SPOCK3: variants seen among roughly 807,000 people sequenced by gnomAD.
The protein encoded by SPOCK3 is SPARC (osteonectin), cwcv and kazal like domains proteoglycan 3, also known as testican-3.
A neutral mutation model predicts 56.6 loss-of-function variants in SPOCK3; 30 were observed. The observed-to-expected ratio is 0.53, with a 90% CI of 0.40 to 0.72. The LOEUF is 0.72. Among genes scored for constraint, SPOCK3 ranks in the 30% least tolerant of loss-of-function variants. The probability of loss-of-function intolerance (pLI) is 0.00; values close to 1 mark genes in which losing one functional copy is unlikely to be tolerated. For missense variants in SPOCK3, 527 were observed against 530.0 expected, an observed-to-expected ratio of 0.99 and a Z score of 0.06; for synonymous variants, 196 against 183.3, an observed-to-expected ratio of 1.07 and a Z score of -0.56.
chr4:166,763,696 A>C (rs978158806), intron 7 of SPOCK3, among the ~76,000 whole-genome samples: 1 of 138,040 alleles, frequency 7.2e-6, no homozygotes, highest in Admixed American at 7.8e-5. Flanking sequence ...TTCTTACAGC[A>C]TATGTAAAGT....
intron 8 of SPOCK3, among the ~76,000 whole-genome samples, chr4:166,748,012 C>T (rs1735875113): frequency 6.6e-6 from 1 of 152,136 alleles, no homozygotes; most frequent in African/African-American, 2.4e-5. Flanking sequence ...AAGTACATTC[C>T]ATGCTCATGG....
chr4:166,946,126 G>A (rs941365217), intron 4 of SPOCK3, among the ~76,000 whole-genome samples: 29 of 151,908 alleles, frequency 1.9e-4, no homozygotes, highest in Non-Finnish European at 2.8e-4. Flanking sequence ...AATTCATTTG[G>A]TTATCTCTGT....
chr4:167,134,222 A>G (rs1472685791), intron 2 of SPOCK3, among the ~76,000 whole-genome samples: 1 of 151,136 alleles, frequency 6.6e-6, no homozygotes, highest in Non-Finnish European at 1.5e-5. Context: ...TTGTAGAGAT[A>G]GGGTTTCGCC....
intron 5 of SPOCK3, among the ~76,000 whole-genome samples, chr4:166,900,043 G>A (rs1735873556): frequency 6.6e-6 from 1 of 152,170 alleles, no homozygotes; most frequent in South Asian, 2.1e-4. Context: ...TCAGCAAGTT[G>A]TGTCACATCT....
chr4:167,104,964 A>G (rs1325497020), intron 2 of SPOCK3, among the ~76,000 whole-genome samples: 1 of 152,076 alleles, frequency 6.6e-6, no homozygotes, highest in Non-Finnish European at 1.5e-5. Context: ...GCAAGAAAAG[A>G]AAAACAACAT....
intron 2 of SPOCK3, among the ~76,000 whole-genome samples, chr4:167,075,224 T>C (rs1757071520): frequency 6.6e-6 from 1 of 151,852 alleles, no homozygotes; most frequent in African/African-American, 2.4e-5. Context: ...ACAAGAAAAT[T>C]AACCACTTAA....
chr4:167,200,940 C>T (rs1048318625), intron 2 of SPOCK3, among the ~76,000 whole-genome samples: 1 of 151,954 alleles, frequency 6.6e-6, no homozygotes, highest in South Asian at 2.1e-4. Context: ...GTTGTGTATG[C>T]GGGCACACCA....
chr4:166,830,098 G>A (rs533347293), intron 6 of SPOCK3, among the ~76,000 whole-genome samples: 11 of 152,050 alleles, frequency 7.2e-5, no homozygotes, highest in South Asian at 2.1e-4. Context: ...TTCATTTTAC[G>A]TAAGATATCT....
intron 2 of SPOCK3, chr4:167,062,785 C>T: frequency 2.1e-6 from 1 of 473,014 alleles, no homozygotes; most frequent in East Asian, 3.2e-5. Context: ...TGTTCATTTT[C>T]ATTGCAAGTC....
intron 4 of SPOCK3, among the ~76,000 whole-genome samples, chr4:166,960,323 G>A (rs1394885532): frequency 6.6e-6 from 1 of 152,112 alleles, no homozygotes; most frequent in Non-Finnish European, 1.5e-5. Flanking sequence ...TATAGTGAAA[G>A]GCCACAATGA....
intron 6 of SPOCK3, among the ~76,000 whole-genome samples, chr4:166,829,395 T>A (rs1745808255): frequency 6.6e-6 from 1 of 152,086 alleles, no homozygotes; most frequent in Non-Finnish European, 1.5e-5. Context: ...ATTTTATACA[T>A]TTAGGGCAAA....
At chr4:167,116,833 ATATATATACTTT>A (rs1761449279) in intron 2 of SPOCK3, among the ~76,000 whole-genome samples, 1 of 141,500 alleles carries the variant, frequency 7.1e-6, no homozygotes, top group African/African-American at 2.6e-5. Context: ...ATATAAAAGT[ATATATATACTTT>A]TATATATATA....
chr4:167,048,654 A>C (rs1189377942), intron 3 of SPOCK3, among the ~76,000 whole-genome samples: 2 of 152,176 alleles, frequency 1.3e-5, no homozygotes, highest in Non-Finnish European at 2.9e-5. Context: ...TGTTTTAGTG[A>C]AGATAATTTT....
intron 6 of SPOCK3, among the ~76,000 whole-genome samples, chr4:166,819,533 C>T (rs1368032251): frequency 6.6e-6 from 1 of 151,984 alleles, no homozygotes; most frequent in East Asian, 1.9e-4. Context: ...TCAGTAAGGT[C>T]ACAGGATACA....
chr4:166,899,508 C>CTTTTTTT lies in SPOCK3; in HGVS notation c.475-10271_475-10265dup, dbSNP rs781766258. ...ATCTGTTCAGTGTATTTCTTTCTTT[C>CTTTTTTT]TTTTTTTTTTTTTTTTGAGACAGAG... On this transcript the variant is annotated intron_variant, in intron 5 of 10. Coordinates refer to ENST00000357545, the MANE Select transcript of SPOCK3 (RefSeq NM_001040159.2). Among the ~76,000 whole-genome samples the CTTTTTTT allele has an allele frequency of 7.5e-4, 89 of 119,100 alleles. 3 individuals carry two copies. Among genetic ancestry groups the CTTTTTTT allele is most frequent in the South Asian group, 8.2e-4 (3 of 3,674 alleles). The allele number at this position is 119,100 out of a possible 152,430, so 78.1% of individuals were successfully genotyped here.
chr4:166,970,339 C>A (rs1666451933), intron 4 of SPOCK3, among the ~76,000 whole-genome samples: 1 of 152,186 alleles, frequency 6.6e-6, no homozygotes, highest in South Asian at 2.1e-4. Context: ...GGCTACACTT[C>A]TTTGGAATTC....
intron 3 of SPOCK3, among the ~76,000 whole-genome samples, chr4:167,030,514 A>C (rs918155900): frequency 6.6e-6 from 1 of 152,082 alleles, no homozygotes; most frequent in Non-Finnish European, 1.5e-5. Context: ...TGTATTAATT[A>C]AAGGCAAGAA....
chr4:166,970,759 A>G (rs1745292035), intron 4 of SPOCK3, among the ~76,000 whole-genome samples: 1 of 152,080 alleles, frequency 6.6e-6, no homozygotes, highest in Non-Finnish European at 1.5e-5. Flanking sequence ...AGAGTAACAC[A>G]GGACTTGATC....
chr4:167,000,269 C>G, intron 4 of SPOCK3, 80 bp downstream of exon 4: 1 of 635,108 alleles, frequency 1.6e-6, no homozygotes, highest in Non-Finnish European at 2.7e-6. Flanking sequence ...TTAGCAGGCA[C>G]TGCCAAATAT....
Sources: gnomAD v4.1 joint callset for allele counts (sites outside exome capture counted in the v4.1 genomes callset) on GRCh38, gnomAD v4.1.1 for gene constraint, MANE v1.5 for transcripts, NCBI Gene and HGNC (gene_info 2026-07-23, HGNC 2026-07-21) for gene names.